The following ZNF33B variants were observed in gnomAD, a reference collection of about 807,000 sequenced individuals.
ZNF33B encodes the protein zinc finger protein 33B.
Under a neutral mutation model 45.8 loss-of-function variants are expected in ZNF33B, and 29 were observed. The observed-to-expected ratio is 0.63, with a 90% CI of 0.47 to 0.86. The LOEUF (loss-of-function observed/expected upper bound fraction) is 0.86. ZNF33B is among the 40% of genes least tolerant of loss of function. The pLI is 0.00. For missense variants in ZNF33B, 831 were observed against 909.9 expected (o/e 0.91, Z 1.12); for synonymous variants, 305 against 307.8 (o/e 0.99, Z 0.10).
intron 4 of ZNF33B, among the ~76,000 whole-genome samples, chr10:42,629,947 T>C (rs554204874): frequency 4.4e-4 from 67 of 152,324 alleles, no homozygotes; most frequent in Middle Eastern, 3.4e-3. Flanking sequence ...CTTAGGCCCC[T>C]TTACCCTCCC....
chr10:42,578,048 A>C (rs968670413), intron 1 of ZNF33B, among the ~76,000 whole-genome samples: 5 of 150,358 alleles, frequency 3.3e-5, no homozygotes, highest in Non-Finnish European at 7.4e-5. Context: ...GCCTGCCCTG[A>C]GGGGACCTCT....
At chr10:42,595,214 A>G (rs1310353711) in intron 4 of ZNF33B, among the ~76,000 whole-genome samples, 2 of 152,328 alleles carry the variant, frequency 1.3e-5, no homozygotes, top group Non-Finnish European at 2.9e-5. Flanking sequence ...CATGGAATAG[A>G]GGAGACAGAC....
chr10:42,599,357 CTTCTT>C (rs901636566), intron 4 of ZNF33B, among the ~76,000 whole-genome samples: 12 of 151,632 alleles, frequency 7.9e-5, no homozygotes, highest in South Asian at 2.1e-4. Context: ...ATGGATTTGT[CTTCTT>C]TTCTACATTC....
At chr10:42,601,400 A>G (rs1353029694) in intron 4 of ZNF33B, among the ~76,000 whole-genome samples, 2 of 148,408 alleles carry the variant, frequency 1.3e-5, no homozygotes, top group African/African-American at 5.0e-5. Flanking sequence ...CCTTTTAGAG[A>G]CTCCAATTCC....
chr10:42,577,932 T>C (rs1301879447), intron 1 of ZNF33B, among the ~76,000 whole-genome samples: 1 of 152,152 alleles, frequency 6.6e-6, no homozygotes, highest in Non-Finnish European at 1.5e-5. Context: ...AGGGAGAACC[T>C]CACTGTGTCA....
At chr10:42,630,809 TA>T (rs1424997039) in intron 4 of ZNF33B, among the ~76,000 whole-genome samples, 2 of 152,148 alleles carry the variant, frequency 1.3e-5, no homozygotes, top group Non-Finnish European at 2.9e-5. Flanking sequence ...AATCTACCAC[TA>T]AACAGATTTT....
Position 42,632,358 on chromosome 10 carries a change from G to A in ZNF33B, c.91C>T (p.Pro31Ser), listed in dbSNP as rs1400858664. The A allele has an allele frequency of 6.2e-7, 1 of 1,613,356 alleles. No homozygotes were observed. The highest frequency in any genetic ancestry group is 2.2e-5 in the East Asian group (1 of 44,860). Reference sequence around the variant, plus strand: ...TCTCTATACAGAGCCCTCTGACTAGGGTCCAGGTGCTGCCACTCCTCCTGG... The same window carrying A: ...TCTCTATACAGAGCCCTCTGACTAGAGTCCAGGTGCTGCCACTCCTCCTGG... ...FTQEEWQHLD[P>S]SQRALYRDVM... The change falls in exon 3 of 5, where the codon CCT (proline) becomes TCT (serine). Residue 31 changes from proline to serine, a missense_variant. By Grantham distance (74) the Pro-to-Ser change is moderately conservative. Coordinates refer to ENST00000359467, the MANE Select transcript of ZNF33B (RefSeq NM_006955.3).
At chr10:42,583,624 C>A (rs1173878631) in intron 1 of ZNF33B, among the ~76,000 whole-genome samples, 1 of 152,044 alleles carries the variant, frequency 6.6e-6, no homozygotes, top group African/African-American at 2.4e-5. Context: ...TCAACTAACC[C>A]CCAGGTGTGA....
intron 2 of ZNF33B, among the ~76,000 whole-genome samples, chr10:42,633,526 G>A (rs1158925986): frequency 6.6e-6 from 1 of 152,174 alleles, no homozygotes; most frequent in Admixed American, 6.5e-5. Flanking sequence ...TCAAAATGTG[G>A]TCACTAATTC....
At chr10:42,613,574 A>T (rs1838191094) in intron 4 of ZNF33B, among the ~76,000 whole-genome samples, 1 of 152,076 alleles carries the variant, frequency 6.6e-6, no homozygotes, top group Non-Finnish European at 1.5e-5. Flanking sequence ...AAAGAAACTA[A>T]ATAGATGATG....
Position 42,592,582 on chromosome 10 carries a change from G to C in ZNF33B, c.*31C>G, listed in dbSNP as rs777333599. The C allele has an allele frequency of 1.2e-5, 19 of 1,594,814 alleles. No homozygotes were observed. The highest frequency in any genetic ancestry group is 1.5e-5 in the Non-Finnish European group (18 of 1,170,496). ...AAGACTCTGAGGCATTATGGAGGCT[G>C]ACTTGTGGCTGGAAATTTCTAATAT... On this transcript the variant is annotated 3_prime_UTR_variant, in exon 5 of 5. Transcript: ENST00000359467.
intron 4 of ZNF33B, among the ~76,000 whole-genome samples, chr10:42,626,091 G>A (rs1838793693): frequency 6.6e-6 from 1 of 152,178 alleles, no homozygotes; most frequent in Admixed American, 6.5e-5. Context: ...TATCATGGAT[G>A]CATACTGCAT....
intron 1 of ZNF33B, among the ~76,000 whole-genome samples, chr10:42,638,031 T>C (rs947859952): frequency 2.0e-5 from 3 of 152,118 alleles, no homozygotes; most frequent in African/African-American, 4.8e-5. Context: ...CAAGATGGGG[T>C]GATGGACATG....
chr10:42,616,081 CTGTAATCCCAGCTACTCAGGAGGCTG>C (rs1188946327), intron 4 of ZNF33B, among the ~76,000 whole-genome samples: 1 of 151,818 alleles, frequency 6.6e-6, no homozygotes, highest in Non-Finnish European at 1.5e-5. Context: ...GGGCATGCAA[CTGTAATCCCAGCTACTCAGGAGGCTG>C]TGTAATCCCA....
chr10:42,592,608 C>T lies in ZNF33B; in HGVS notation c.*5G>A, dbSNP rs1391855218. 4 of 1,608,574 alleles carry T rather than the reference C, an allele frequency of 2.5e-6. No individual in the cohort carries two copies. Among genetic ancestry groups the T allele is most frequent in the Admixed American group, 1.7e-5 (1 of 59,562 alleles). On this transcript the variant is annotated 3_prime_UTR_variant, in exon 5 of 5. Coordinates refer to ENST00000359467, the MANE Select transcript of ZNF33B (RefSeq NM_006955.3). Reference sequence around the variant, plus strand: ...ACTTGTGGCTGGAAATTTCTAATATCCAATTCATTCATAAGGTTTTTCTCC... The same window carrying T: ...ACTTGTGGCTGGAAATTTCTAATATTCAATTCATTCATAAGGTTTTTCTCC...
At chr10:42,630,297 C>T (rs1296656077) in intron 4 of ZNF33B, among the ~76,000 whole-genome samples, 1 of 152,142 alleles carries the variant, frequency 6.6e-6, no homozygotes, top group African/African-American at 2.4e-5. Flanking sequence ...AGAAAATATA[C>T]TACTTCCTGC....
At chr10:42,605,101 G>C (rs1373484202) in intron 4 of ZNF33B, 1 of 151,776 alleles carries the variant, frequency 6.6e-6, no homozygotes, top group Non-Finnish European at 1.5e-5. Context: ...CATAATAGAA[G>C]TACCAGAAGG....
rs531704808 is a variant in ZNF33B at position 42,609,933 on chromosome 10, A to G, written c.251-15234T>C. 8.6e-4 allele frequency among the ~76,000 whole-genome samples: 131 copies of G among 152,306 alleles called. 1 individual carries two copies. Among genetic ancestry groups the G allele is most frequent in the African/African-American group, 3.1e-3 (129 of 41,576 alleles). ...CCTGAGCCTGATTAAAGGCATCTAC[A>G]AAAAGTCCACCACTAACATCATACT... is the stretch of plus-strand genomic sequence containing the variant. On this transcript the variant is annotated intron_variant, in intron 4 of 4. Coordinates refer to ENST00000359467, the MANE Select transcript of ZNF33B (RefSeq NM_006955.3).
At position 42,590,262 on chromosome 10, in the gene ZNF33B, G is replaced by A. The variant is rs547338071; in HGVS notation, c.*2351C>T. On this transcript the variant is annotated 3_prime_UTR_variant, in exon 5 of 5. Transcript: ENST00000359467. ...GGCCTCACAAAATGATTTGGGAAGT[G>A]TTATCCCTGCTTTTATTTTCTGAAA... 6.6e-6 allele frequency: 1 copy of A among 152,250 alleles called. No individual in the cohort carries two copies. The highest frequency in any genetic ancestry group is 2.4e-5 in the African/African-American group (1 of 41,552). The allele number at this position is 152,250 out of a possible 1,614,324, so 9.4% of individuals were successfully genotyped here.
Sources: allele counts gnomAD v4.1 joint callset (sites outside exome capture counted in the v4.1 genomes callset), GRCh38; gene constraint gnomAD v4.1.1; transcripts MANE v1.5; gene names NCBI Gene and HGNC (gene_info 2026-07-23, HGNC 2026-07-21).